Variants in NRG1 observed in about 807,000 individuals in gnomAD.
The protein encoded by NRG1 is pro-neuregulin-1, membrane-bound isoform.
A neutral mutation model predicts 63.8 loss-of-function variants in NRG1; 18 were observed. The ratio of observed to expected loss-of-function variants is 0.28; its 90% CI spans 0.19 to 0.42. The LOEUF (loss-of-function observed/expected upper bound fraction) is 0.42. NRG1 is among the 10% of genes least tolerant of loss of function. The probability of loss-of-function intolerance (pLI) is 1.00; values close to 1 mark genes in which losing one functional copy is unlikely to be tolerated. For synonymous variants in NRG1, 302 were observed against 301.3 expected, an observed-to-expected ratio of 1.00 and a Z score of -0.02; for missense variants, 762 against 814.7, an observed-to-expected ratio of 0.94 and a Z score of 0.79.
At position 32,316,472 on chromosome 8, in the gene NRG1, CAAAAAA is replaced by C. The variant is rs60206972; in HGVS notation, c.38-279342_38-279337del. ...GACTGGTGACAGAGGGAGACTCCAT[CAAAAAA>C]AAAAAAAAAAAAAGAATCCTAAGGA... On this transcript the variant is annotated intron_variant, in intron 1 of 10. Transcript: ENST00000519301. Among the ~76,000 whole-genome samples the C allele has an allele frequency of 3.9e-3, 486 of 125,252 alleles. 4 individuals carry two copies. Among genetic ancestry groups the C allele is most frequent in the African/African-American group, 0.014 (453 of 32,580 alleles). The allele number at this position is 125,252 out of a possible 152,430, so 82.2% of individuals were successfully genotyped here. A position where few individuals can be genotyped will look rare whatever the true frequency, so the allele number is the denominator to read the frequency against.
chr8:31,867,971 T>C (rs943624637), intron 1 of NRG1, among the ~76,000 whole-genome samples: 81 of 152,082 alleles, frequency 5.3e-4, no homozygotes, highest in African/African-American at 1.8e-3. Context: ...CTAAGTACAA[T>C]TGGTTTAAGA....
intron 1 of NRG1, among the ~76,000 whole-genome samples, chr8:32,382,142 G>A (rs1186693561): frequency 2.6e-5 from 4 of 152,136 alleles, no homozygotes; most frequent in Non-Finnish European, 5.9e-5. Context: ...CTTATGAAGT[G>A]AGTATTATGA....
intron 1 of NRG1, among the ~76,000 whole-genome samples, chr8:31,791,141 G>A (rs1253881970): frequency 6.6e-6 from 1 of 151,528 alleles, no homozygotes; most frequent in African/African-American, 2.4e-5. Context: ...CCTGGGAGGT[G>A]GAGGTTGCAG....
At chr8:32,455,154 G>A (rs1295903888) in intron 1 of NRG1, among the ~76,000 whole-genome samples, 1 of 152,128 alleles carries the variant, frequency 6.6e-6, no homozygotes, top group Non-Finnish European at 1.5e-5. Context: ...AACCATTACT[G>A]TATTAGAAAG....
At chr8:32,399,843 T>G (rs145317322) in intron 1 of NRG1, among the ~76,000 whole-genome samples, 71 of 152,266 alleles carry the variant, frequency 4.7e-4, no homozygotes, top group African/African-American at 1.6e-3. Context: ...TTTCCAGAAG[T>G]GTTAAATTTT....
chr8:32,163,163 C>A (rs1481746), intron 1 of NRG1, among the ~76,000 whole-genome samples: 67,343 of 151,882 alleles, frequency 0.44, 16,792 homozygotes, highest in Admixed American at 0.57. Context: ...CCCTTCCAGG[C>A]AGAGTGGTCC....
chr8:32,057,276 T>C (rs1671872601), intron 1 of NRG1, among the ~76,000 whole-genome samples: 1 of 152,208 alleles, frequency 6.6e-6, no homozygotes. Flanking sequence ...TACAACTGTA[T>C]AATGACATTA....
chr8:31,877,945 G>C (rs1348336103), intron 1 of NRG1, among the ~76,000 whole-genome samples: 1 of 152,158 alleles, frequency 6.6e-6, no homozygotes, highest in African/African-American at 2.4e-5. Flanking sequence ...AAATCGCAGA[G>C]TACTGTTTTT....
At chr8:32,327,336 ATAT>A (rs1332905514) in intron 1 of NRG1, among the ~76,000 whole-genome samples, 9 of 152,230 alleles carry the variant, frequency 5.9e-5, no homozygotes, top group South Asian at 2.1e-4. Flanking sequence ...ATAACTGAAT[ATAT>A]TTTTTAAAGA....
intron 1 of NRG1, among the ~76,000 whole-genome samples, chr8:31,689,533 A>G (rs933789167): frequency 6.6e-6 from 1 of 152,198 alleles, no homozygotes; most frequent in Non-Finnish European, 1.5e-5. Flanking sequence ...GAGAGACTGC[A>G]TACTTTTTCT....
At chr8:32,359,001 C>T (rs1253946982) in intron 1 of NRG1, among the ~76,000 whole-genome samples, 1 of 151,944 alleles carries the variant, frequency 6.6e-6, no homozygotes, top group African/African-American at 2.4e-5. Context: ...TTGTAGATAA[C>T]CAAAGGAAGA....
At chr8:32,379,691 A>G (rs1337780550) in intron 1 of NRG1, among the ~76,000 whole-genome samples, 1 of 152,206 alleles carries the variant, frequency 6.6e-6, no homozygotes, top group Non-Finnish European at 1.5e-5. Context: ...GAAGATATTA[A>G]CAAATCCTAT....
At position 31,771,633 on chromosome 8, in the gene NRG1, A is replaced by G. The variant is rs116677441; in HGVS notation, c.37+132202A>G. On this transcript the variant is annotated intron_variant, in intron 1 of 10. Coordinates refer to the NRG1 transcript ENST00000519301. ...ATGTGTCAAGAATGTGCTGAGAGTT[A>G]TAGGAAAACAGAAAGGTAATAATTG... Among the ~76,000 whole-genome samples the G allele has an allele frequency of 6.0e-3, 910 of 152,286 alleles. 13 individuals are homozygous for G. Among genetic ancestry groups the G allele is most frequent in the African/African-American group, 0.02 (821 of 41,562 alleles).
At chr8:32,307,707 G>C (rs1856372088) in intron 1 of NRG1, among the ~76,000 whole-genome samples, 1 of 151,980 alleles carries the variant, frequency 6.6e-6, no homozygotes, top group Admixed American at 6.6e-5. Context: ...CAGGCATGAA[G>C]TTGCTTTGAG....
intron 1 of NRG1, among the ~76,000 whole-genome samples, chr8:32,501,756 G>A (rs1001351608): frequency 3.9e-5 from 6 of 152,102 alleles, no homozygotes; most frequent in Non-Finnish European, 7.4e-5. Flanking sequence ...GACATAATAA[G>A]TGCAACATAA....
chr8:31,724,511 A>G (rs187093500), intron 1 of NRG1, among the ~76,000 whole-genome samples: 1 of 152,272 alleles, frequency 6.6e-6, no homozygotes, highest in East Asian at 1.9e-4. Context: ...GCTTTCCAAG[A>G]GTTTAGTTTG....
intron 6 of NRG1, among the ~76,000 whole-genome samples, chr8:32,739,606 A>C (rs543982098): frequency 1.3e-5 from 2 of 152,142 alleles, no homozygotes; most frequent in African/African-American, 2.4e-5. Context: ...CAGTTAGAAA[A>C]TTGATTGGGT....
chr8:32,015,317 A>G (rs1815345058), intron 1 of NRG1, among the ~76,000 whole-genome samples: 1 of 152,212 alleles, frequency 6.6e-6, no homozygotes, highest in Non-Finnish European at 1.5e-5. Context: ...AGGAAAAAAT[A>G]AGAAAGTCCA....
chr8:32,238,453 A>G (rs1048183344), intron 1 of NRG1, among the ~76,000 whole-genome samples: 3 of 152,022 alleles, frequency 2.0e-5, no homozygotes, highest in Non-Finnish European at 4.4e-5. Context: ...AAGAAAAAAA[A>G]AAAAAAACCT....
Sources: allele counts gnomAD v4.1 joint callset (sites outside exome capture counted in the v4.1 genomes callset), GRCh38; gene constraint gnomAD v4.1.1; transcripts MANE v1.5; gene names NCBI Gene and HGNC (gene_info 2026-07-23, HGNC 2026-07-21).